The following PDK2 variants were observed in gnomAD, a reference collection of about 807,000 sequenced individuals.
PDK2 encodes pyruvate dehydrogenase kinase, isozyme 2.
Under a neutral mutation model 50.4 loss-of-function variants are expected in PDK2, and 34 were observed. The ratio of observed to expected loss-of-function variants is 0.68; its 90% CI spans 0.51 to 0.90. The LOEUF is 0.90. Among genes scored for constraint, PDK2 ranks in the 40% least tolerant of loss-of-function variants. PDK2 has a pLI of 0.00. For missense variants in PDK2, 377 were observed against 544.5 expected, an observed-to-expected ratio of 0.69 and a Z score of 3.06; for synonymous variants, 232 against 216.0, an observed-to-expected ratio of 1.07 and a Z score of -0.65.
In PDK2 at chr17:50,109,959, C is replaced by A; in HGVS notation, c.1086C>A (p.Ala362=). 1 of 1,560,972 alleles carries A rather than the reference C, an allele frequency of 6.4e-7. No individual in the cohort carries two copies. Among genetic ancestry groups the A allele is most frequent in the Non-Finnish European group, 8.7e-7 (1 of 1,151,344 alleles). ...GGGCTGACCCTGACACTCCCCAGGC[C>A]CTGTCCACGGACTCGGTGGAGCGCC... ...FGTDAVIYLK[A]LSTDSVERLP... Residue 362 remains alanine (A), a splice_region_variant and synonymous_variant, in exon 11 of 11, where the codon GCC becomes GCA. Coordinates refer to ENST00000503176, the MANE Select transcript of PDK2 (RefSeq NM_002611.5). This position sits in a 1 kb window ranked among gnomAD's most constrained non-coding sequence, Gnocchi z 5.0.
intron 2 of PDK2, chr17:50,104,324 C>T (rs1174788027): frequency 6.6e-6 from 1 of 152,334 alleles, no homozygotes; most frequent in Admixed American, 6.5e-5. Flanking sequence ...GATCTCGGCT[C>T]ACTGCAACCA....
In PDK2 at chr17:50,108,138, T is replaced by C. The variant is rs1198060884; in HGVS notation, c.686-18T>C. On this transcript the variant is annotated intron_variant, in intron 6 of 10. Transcript: ENST00000503176. ...CTCCTGACGGTTTCCTGACCCTTGG[T>C]CTTGACTTGCCCTGTAGCAGCCAAC... 1.3e-6 allele frequency: 2 copies of C among 1,578,116 alleles called. No homozygotes were observed. The highest frequency in any genetic ancestry group is 2.3e-5 in the East Asian group (1 of 44,006).
chr17:50,102,207 C>T (rs922781402), intron 2 of PDK2, among the ~76,000 whole-genome samples: 2 of 152,236 alleles, frequency 1.3e-5, no homozygotes, highest in African/African-American at 4.8e-5. Context: ...AAATCCTCAT[C>T]CTCTCCCCTC....
At chr17:50,104,752 AC>A (rs1423061461) in intron 2 of PDK2, among the ~76,000 whole-genome samples, 1 of 152,010 alleles carries the variant, frequency 6.6e-6, no homozygotes, top group Non-Finnish European at 1.5e-5. Context: ...AGGCACGCCC[AC>A]CCCACCTTTG....
rs867812635 is a variant in PDK2 at position 50,108,168 on chromosome 17, A to G, written c.698A>G (p.Lys233Arg). ...ACTTGCCCTGTAGCAGCCAACTCCA[A>G]ACAGCCGATTCACATGGTCTACGTC... ...EIQEINAANS[K>R]QPIHMVYVPS... The change falls in exon 7 of 11, where the codon AAA (lysine) becomes AGA (arginine). Residue 233 changes from lysine (K) to arginine (R), a missense_variant. Transcript: ENST00000503176. The G allele has an allele frequency of 2.5e-6, 4 of 1,594,144 alleles. No individual in the cohort carries two copies. In the African/African-American group the frequency reaches 4.0e-5, roughly 16 times the overall value.
At chr17:50,107,195 G>C in intron 6 of PDK2, 42 bp downstream of exon 6, 2 of 1,536,090 alleles carry the variant, frequency 1.3e-6, no homozygotes, top group Non-Finnish European at 1.8e-6. Context: ...TTGGGGCTGG[G>C]GACGTGGCAG....
At chr17:50,108,117 T>C in intron 6 of PDK2, 39 bp from the exon 7 acceptor site, 1 of 1,548,246 alleles carries the variant, frequency 6.5e-7, no homozygotes, top group Non-Finnish European at 8.8e-7. Flanking sequence ...AGTGACCTCC[T>C]GACGGTTTCC....
chr17:50,109,240 GC>G lies in PDK2; in HGVS notation c.970-43del. On this transcript the variant is annotated intron_variant, in intron 9 of 10. Transcript: ENST00000503176. This position sits in a 1 kb window ranked among gnomAD's most constrained non-coding sequence, Gnocchi z 5.0. ...GCATCAGTCCCTGCAGCTCCAGGAGGCCCCTGCCAGCCTCCTCATCCTCACT... is the reference window on the plus strand; with the variant it reads ...GCATCAGTCCCTGCAGCTCCAGGAGGCCCTGCCAGCCTCCTCATCCTCACT... 2 of 1,224,682 alleles carry G rather than the reference GC, an allele frequency of 1.6e-6. No homozygotes were observed. 75.9% of individuals were successfully genotyped at this position (1,224,682 alleles called of 1,614,324 possible). A position where few individuals can be genotyped will look rare whatever the true frequency, so the allele number is the denominator to read the frequency against.
rs1481216553 is a variant in PDK2, at chr17:50,109,306, T to A, written c.989T>A (p.Leu330His). The A allele has an allele frequency of 6.2e-7, 1 of 1,612,932 alleles. No homozygotes were observed. Among genetic ancestry groups the A allele is most frequent in the East Asian group, 2.2e-5 (1 of 44,848 alleles). ...GTPLAGFGYG[L>H]PISRLYAKYF... ...CTGCAGGCTGGCTTTGGTTATGGGC[T>A]CCCCATTTCCCGCCTCTACGCCAAG... The change falls in exon 10 of 11, where the codon CTC becomes CAC. Residue 330 changes from leucine to histidine, a missense_variant. Transcript: ENST00000503176. This position sits in a 1 kb window ranked among gnomAD's most constrained non-coding sequence, Gnocchi z 5.0.
chr17:50,103,636 TTAA>T (rs1910346687), intron 2 of PDK2, among the ~76,000 whole-genome samples: 1 of 152,206 alleles, frequency 6.6e-6, no homozygotes, highest in Admixed American at 6.5e-5. Flanking sequence ...CTCCAAGTGC[TTAA>T]AGAGCCAGGT....
intron 6 of PDK2, 22 bp from the exon 7 acceptor site, chr17:50,108,134 T>A: frequency 6.3e-7 from 1 of 1,575,048 alleles, no homozygotes; most frequent in Non-Finnish European, 8.6e-7. Flanking sequence ...TTCCTGACCC[T>A]TGGTCTTGAC....
intron 4 of PDK2, chr17:50,106,357 T>G: frequency 2.9e-6 from 2 of 685,286 alleles, no homozygotes; most frequent in Non-Finnish European, 4.4e-6. Flanking sequence ...AAACTCTCAT[T>G]ATGTTCAAAA....
At position 50,111,969 on chromosome 17, in the gene PDK2, CCT is replaced by C. The variant is rs1280674851; in HGVS notation, c.*1877_*1878del. The C allele has an allele frequency of 6.6e-6, 1 of 152,282 alleles. No individual in the cohort carries two copies. Among genetic ancestry groups the C allele is most frequent in the Non-Finnish European group, 1.5e-5 (1 of 68,182 alleles). 9.4% of individuals were successfully genotyped at this position (152,282 alleles called of 1,614,324 possible). On this transcript the variant is annotated 3_prime_UTR_variant, in exon 11 of 11. Coordinates refer to ENST00000503176, the MANE Select transcript of PDK2 (RefSeq NM_002611.5). ...AGCTGCCGGGGACCCCCAGGTTTTG[CCT>C]CTCTGCCTGGCTGGGGTGAGGGCTG...
rs375402964 is a variant in PDK2 at position 50,109,275 on chromosome 17, G to C, written c.970-12G>C. 1 of 1,592,292 alleles carries C rather than the reference G, an allele frequency of 6.3e-7. No individual in the cohort carries two copies. Among genetic ancestry groups the C allele is most frequent in the Non-Finnish European group, 8.6e-7 (1 of 1,162,458 alleles). Reference sequence around the variant, plus strand: ...GCCTCCTCATCCTCACTGCCTTCCTGCCCCGCTGCAGGCTGGCTTTGGTTA... The same window carrying C: ...GCCTCCTCATCCTCACTGCCTTCCTCCCCCGCTGCAGGCTGGCTTTGGTTA... On this transcript the variant is annotated splice_polypyrimidine_tract_variant and intron_variant, in intron 9 of 10. Coordinates refer to ENST00000503176, the MANE Select transcript of PDK2 (RefSeq NM_002611.5). The surrounding 1 kb of genome is among the most constrained non-coding windows in gnomAD (Gnocchi z 5.0).
intron 2 of PDK2, among the ~76,000 whole-genome samples, chr17:50,102,262 C>T (rs1358544945): frequency 1.3e-5 from 2 of 152,198 alleles, no homozygotes; most frequent in Middle Eastern, 3.2e-3. Flanking sequence ...GGAGCCCTGG[C>T]CCTGTGAGGG....
chr17:50,105,888 C>A lies in PDK2; in HGVS notation c.336C>A (p.Phe112Leu). ...GAACATCTGCCCTGCCCCACAGGTTCACTGACGCCCTGGTCACCATCCGGA... is the reference window on the plus strand; with the variant it reads ...GAACATCTGCCCTGCCCCACAGGTTAACTGACGCCCTGGTCACCATCCGGA... ...DPEDHRTLSQ[F>L]TDALVTIRNR... is the part of the protein sequence containing the mutation. The change falls in exon 4 of 11, where the codon TTC (phenylalanine) becomes TTA (leucine). Residue 112 changes from phenylalanine (F) to leucine (L), a missense_variant. Around this residue, in one of 3 missense-constraint regions of PDK2, gnomAD observed 63 missense variants for 135.1 expected, o/e 0.47. Coordinates refer to ENST00000503176, the MANE Select transcript of PDK2 (RefSeq NM_002611.5). 6.2e-7 allele frequency: 1 copy of A among 1,613,158 alleles called. No homozygotes were observed.
Position 50,110,127 on chromosome 17 carries a change from C to T in PDK2, c.*30C>T, listed in dbSNP as rs771415263. 105 of 1,557,382 alleles carry T rather than the reference C, an allele frequency of 6.7e-5. 1 individual carries two copies. The Admixed American group carries it at 1.4e-3, about 21-fold the overall frequency. On this transcript the variant is annotated 3_prime_UTR_variant, in exon 11 of 11. Coordinates refer to ENST00000503176, the MANE Select transcript of PDK2 (RefSeq NM_002611.5). ...CGCCGTGCATCTGCACCTGAGAGGACGGACTGCCGCCTCTGGGTCCCCCCA... is the reference window on the plus strand; with the variant it reads ...CGCCGTGCATCTGCACCTGAGAGGATGGACTGCCGCCTCTGGGTCCCCCCA...
At chr17:50,096,965 G>A (rs1909982690) in intron 1 of PDK2, among the ~76,000 whole-genome samples, 1 of 152,242 alleles carries the variant, frequency 6.6e-6, no homozygotes, top group African/African-American at 2.4e-5. Flanking sequence ...GGCTGGGTGA[G>A]GTGGGCTGGC....
At chr17:50,096,955 G>A (rs1909981653) in intron 1 of PDK2, among the ~76,000 whole-genome samples, 2 of 152,232 alleles carry the variant, frequency 1.3e-5, no homozygotes, top group African/African-American at 4.8e-5. Context: ...ATTCAGGCCA[G>A]GCTGGGTGAG....
Sources: gnomAD v4.1 joint callset for allele counts (sites outside exome capture counted in the v4.1 genomes callset) on GRCh38, gnomAD v4.1.1 for gene constraint, gnomAD v4.1.1 regional missense constraint, Gnocchi (gnomAD v3.1) non-coding constraint, MANE v1.5 for transcripts, NCBI Gene and HGNC (gene_info 2026-07-23, HGNC 2026-07-21) for gene names.